Variants in UBQLN1 observed in about 807,000 individuals in gnomAD.
UBQLN1 encodes ubiquilin-1.
In UBQLN1, 13 loss-of-function variants were observed where a neutral mutation model predicts 65.4. The observed-to-expected ratio is 0.20, with a 90% CI of 0.13 to 0.32. The LOEUF (loss-of-function observed/expected upper bound fraction) is 0.32. UBQLN1 is among the 10% of genes least tolerant of loss of function. UBQLN1 has a pLI of 1.00. For missense variants in UBQLN1, 561 were observed against 724.0 expected (o/e 0.77, Z 2.58); for synonymous variants, 267 against 247.8 (o/e 1.08, Z -0.73).
At chr9:83,689,269 T>C (rs772169070) in intron 1 of UBQLN1, among the ~76,000 whole-genome samples, 3 of 152,198 alleles carry the variant, frequency 2.0e-5, no homozygotes, top group Non-Finnish European at 4.4e-5. Context: ...TATGGCCAAA[T>C]AGTATGCCAT....
chr9:83,690,711 TCAACAGCTTGGTCAATGGAA>T (rs1053944994), intron 1 of UBQLN1, among the ~76,000 whole-genome samples: 2 of 142,278 alleles, frequency 1.4e-5, no homozygotes, highest in African/African-American at 5.3e-5. Flanking sequence ...TCCAGCTTGG[TCAACAGCTTGGTCAATGGAA>T]CCAGACTCTG....
chr9:83,693,211 C>T (rs1396653666), intron 1 of UBQLN1, among the ~76,000 whole-genome samples: 3 of 151,198 alleles, frequency 2.0e-5, no homozygotes, highest in African/African-American at 7.4e-5. Context: ...ATGAACCCAG[C>T]ACAGACAAAA....
At chr9:83,662,267 TACATATAC>T (rs1331510120) in intron 10 of UBQLN1, among the ~76,000 whole-genome samples, 5 of 128,990 alleles carry the variant, frequency 3.9e-5, no homozygotes, top group African/African-American at 1.1e-4. Flanking sequence ...TATATACATA[TACATATAC>T]ACACACACAC....
At chr9:83,662,003 T>C (rs1831566693) in intron 10 of UBQLN1, 64 bp from the exon 11 acceptor site, 3 of 1,473,210 alleles carry the variant, frequency 2.0e-6, no homozygotes, top group African/African-American at 1.4e-5. Flanking sequence ...CACATGACTT[T>C]TAAAATTTTT....
chr9:83,707,167 T>C (rs533819415), intron 1 of UBQLN1, among the ~76,000 whole-genome samples: 3 of 151,486 alleles, frequency 2.0e-5, no homozygotes, highest in Non-Finnish European at 4.4e-5. Flanking sequence ...AGGCTGGCGG[T>C]GGGTCCCTTT....
intron 6 of UBQLN1, among the ~76,000 whole-genome samples, chr9:83,673,138 G>A (rs2131151439): frequency 6.6e-6 from 1 of 152,254 alleles, no homozygotes; most frequent in Non-Finnish European, 1.5e-5. Flanking sequence ...GCTGAGAAGG[G>A]AGAATCGTTT....
At chr9:83,681,582 G>A (rs1209180789) in intron 3 of UBQLN1, among the ~76,000 whole-genome samples, 1 of 151,902 alleles carries the variant, frequency 6.6e-6, no homozygotes, top group African/African-American at 2.4e-5. Context: ...GTTAGGAGGG[G>A]GACTGAATAC....
At chr9:83,669,513 A>T (rs1831697703) in intron 6 of UBQLN1, among the ~76,000 whole-genome samples, 186 bp from the exon 7 acceptor site, 1 of 152,216 alleles carries the variant, frequency 6.6e-6, no homozygotes, top group Non-Finnish European at 1.5e-5. Flanking sequence ...CCCAACATAT[A>T]CCAGGAAAAG....
chr9:83,668,979 G>T, intron 7 of UBQLN1: 1 of 517,398 alleles, frequency 1.9e-6, no homozygotes, highest in Non-Finnish European at 3.1e-6. Context: ...TCAATGAATG[G>T]CAGAGATAAA....
At chr9:83,678,911 C>T (rs961982190) in intron 4 of UBQLN1, among the ~76,000 whole-genome samples, 3 of 152,140 alleles carry the variant, frequency 2.0e-5, no homozygotes, top group Non-Finnish European at 2.9e-5. Flanking sequence ...TTAGTAGAGA[C>T]GGGGTTTCAC....
At position 83,677,880 on chromosome 9, in the gene UBQLN1, C is replaced by T. The variant is rs756515927; in HGVS notation, c.952G>A (p.Asp318Asn). Residue 318 changes from aspartate to asparagine, a missense_variant, in exon 6 of 11, where the codon GAT becomes AAT. This residue lies in a region of UBQLN1 where 89 missense variants were observed against 77.8 expected (regional missense o/e 1.14). Transcript: ENST00000376395. ...GGAGCCCATGGATTGGGTAGTGGATCTCTATTTTCTGTACGGGAAGGTTGA... is the reference window on the plus strand; with the variant it reads ...GGAGCCCATGGATTGGGTAGTGGATTTCTATTTTCTGTACGGGAAGGTTGA... ...GSQPSRTENR[D>N]PLPNPWAPQT... is the part of the protein sequence containing the mutation. 5.6e-6 allele frequency: 9 copies of T among 1,614,014 alleles called. No individual in the cohort carries two copies. The highest frequency in any genetic ancestry group is 7.6e-6 in the Non-Finnish European group (9 of 1,180,036).
At position 83,665,032 on chromosome 9, in the gene UBQLN1, T is replaced by A. The variant is rs777838391; in HGVS notation, c.1446A>T (p.Pro482=). The change falls in exon 9 of 11, where the codon CCA becomes CCT. Residue 482 remains proline, a splice_region_variant and synonymous_variant. Coordinates refer to ENST00000376395, the MANE Select transcript of UBQLN1 (RefSeq NM_013438.5). ...TLATEAPGLI[P]GFTPGLGALG... is the part of the protein sequence containing the mutation. ...TTATCTTCCCCAAATAAGCCTACCC[T>A]GGGATGAGGCCCGGGGCTTCCGTTG... The A allele has an allele frequency of 5.0e-6, 8 of 1,607,620 alleles. No individual in the cohort carries two copies. The highest frequency in any genetic ancestry group is 2.5e-6 in the Non-Finnish European group (3 of 1,176,650).
Position 83,677,751 on chromosome 9 carries a change from G to T in UBQLN1, c.1081C>A (p.Pro361Thr). 6.2e-7 allele frequency: 1 copy of T among 1,612,994 alleles called. No homozygotes were observed. The change falls in exon 6 of 11, where the codon CCA becomes ACA. Residue 361 changes from proline (P) to threonine (T), a missense_variant. Coordinates refer to ENST00000376395, the MANE Select transcript of UBQLN1 (RefSeq NM_013438.5). The part of the protein sequence containing the change: ...SGTSGQSTTA[P>T]NLVPGVGASM... ...CCTCCTACTCCAGGCACCAAATTTG[G>T]CGCAGTAGTACTCTGCCCAGAAGTG...
rs1831664467 is a variant in UBQLN1, at chr9:83,667,715, T to C, written c.1249-1282A>G. The C allele has an allele frequency of 4.1e-6, 4 of 983,676 alleles. No homozygotes were observed. The South Asian group carries it at 1.4e-4, about 35-fold the overall frequency. The allele number at this position is 983,676 out of a possible 1,614,324, so 60.9% of individuals were successfully genotyped here. A position where few individuals can be genotyped will look rare whatever the true frequency, so the allele number is the denominator to read the frequency against. On this transcript the variant is annotated intron_variant, in intron 7 of 10. Coordinates refer to ENST00000376395, the MANE Select transcript of UBQLN1 (RefSeq NM_013438.5). ...CATCTTAAACGTATCCTTTCACAGA[T>C]AATCATCTTATTAGATACTTCTTAT...
chr9:83,707,792 A>T lies in UBQLN1; in HGVS notation c.-113T>A, dbSNP rs1193598060. 2 of 1,386,894 alleles carry T rather than the reference A, an allele frequency of 1.4e-6. No individual in the cohort carries two copies. The highest frequency in any genetic ancestry group is 1.9e-6 in the Non-Finnish European group (2 of 1,068,584). 85.9% of individuals were successfully genotyped at this position (1,386,894 alleles called of 1,614,324 possible). ...GCCTGGACAGCGAAGAATGCAGAGC[A>T]CGCCGCCTCAGTAGCAACGGGCGCA... On this transcript the variant is annotated 5_prime_UTR_variant, in exon 1 of 11. Coordinates refer to ENST00000376395, the MANE Select transcript of UBQLN1 (RefSeq NM_013438.5).
At chr9:83,684,409 G>A (rs1313763073) in intron 2 of UBQLN1, among the ~76,000 whole-genome samples, 3 of 151,934 alleles carry the variant, frequency 2.0e-5, no homozygotes, top group African/African-American at 7.2e-5. Flanking sequence ...TTACCACGCT[G>A]CTCTGGAACT....
Position 83,678,426 on chromosome 9 carries a change from G to C in UBQLN1, c.870+15C>G. 1 of 1,603,724 alleles carries C rather than the reference G, an allele frequency of 6.2e-7. No individual in the cohort carries two copies. Among genetic ancestry groups the C allele is most frequent in the Non-Finnish European group, 8.5e-7 (1 of 1,175,564 alleles). On this transcript the variant is annotated intron_variant, in intron 5 of 10. Transcript: ENST00000376395. ...AAGCTACTCCTTGGCCTGAACCTTG[G>C]AGCCAGTGGATCACCTGCTCTTGTG...
chr9:83,680,364 T>C (rs976240035), intron 3 of UBQLN1, among the ~76,000 whole-genome samples: 1 of 152,082 alleles, frequency 6.6e-6, no homozygotes, highest in African/African-American at 2.4e-5. Flanking sequence ...TATCTTTTAT[T>C]ATTCATTACA....
At chr9:83,691,557 A>G (rs1832129620) in intron 1 of UBQLN1, among the ~76,000 whole-genome samples, 1 of 152,228 alleles carries the variant, frequency 6.6e-6, no homozygotes, top group African/African-American at 2.4e-5. Flanking sequence ...TCCTAGATGC[A>G]GTAGAGTAGG....
Sources: gnomAD v4.1 joint callset for allele counts (sites outside exome capture counted in the v4.1 genomes callset) on GRCh38, gnomAD v4.1.1 for gene constraint, gnomAD v4.1.1 regional missense constraint, MANE v1.5 for transcripts, NCBI Gene and HGNC (gene_info 2026-07-23, HGNC 2026-07-21) for gene names.